The following SMIM31 variants were observed in gnomAD, a reference collection of about 807,000 sequenced individuals.
SMIM31 encodes human epithelial cell program regulator.
intron 2 of SMIM31, among the ~76,000 whole-genome samples, chr4:164,787,924 A>G (rs1283041904): frequency 2.6e-5 from 4 of 152,180 alleles, no homozygotes; most frequent in African/African-American, 9.7e-5. Flanking sequence ...ATGTACTAAT[A>G]CGTTGGGGCA....
intron 2 of SMIM31, among the ~76,000 whole-genome samples, chr4:164,790,510 A>G (rs550071141): frequency 1.2e-4 from 19 of 152,278 alleles, no homozygotes; most frequent in African/African-American, 4.1e-4. Flanking sequence ...AGTGGCAATA[A>G]ACTCTTATGA....
chr4:164,768,235 C>CAAAAAA (rs58450552), intron 1 of SMIM31, among the ~76,000 whole-genome samples: 2 of 75,810 alleles, frequency 2.6e-5, no homozygotes, highest in African/African-American at 4.0e-5. Context: ...GACTTTGTCA[C>CAAAAAA]AAAAAAAAAA....
intron 2 of SMIM31, among the ~76,000 whole-genome samples, chr4:164,787,749 T>C (rs1733044799): frequency 6.6e-6 from 1 of 152,172 alleles, no homozygotes; most frequent in South Asian, 2.1e-4. Context: ...ATATGCACAC[T>C]CTCATGTGCC....
chr4:164,756,445 G>C (rs960291591), intron 1 of SMIM31, among the ~76,000 whole-genome samples: 1 of 151,758 alleles, frequency 6.6e-6, no homozygotes, highest in Non-Finnish European at 1.5e-5. Context: ...GGTGGTGGGC[G>C]CCTGTAGTTC....
In SMIM31 at chr4:164,803,079, T is replaced by C. The variant is rs1733307901; in HGVS notation, c.*1885T>C. The C allele has an allele frequency of 6.6e-6, 1 of 152,200 alleles. No homozygotes were observed. Among genetic ancestry groups the C allele is most frequent in the Non-Finnish European group, 1.5e-5 (1 of 68,034 alleles). 9.4% of individuals were successfully genotyped at this position (152,200 alleles called of 1,614,324 possible). On this transcript the variant is annotated 3_prime_UTR_variant, in exon 3 of 3. Coordinates refer to ENST00000507311, the MANE Select transcript of SMIM31 (RefSeq NM_001352885.1). ...TGTGTAACTCAGTGCCTAGGATCGTTGCTGAATAACGCTACCTATTATTAT... is the reference window on the plus strand; with the variant it reads ...TGTGTAACTCAGTGCCTAGGATCGTCGCTGAATAACGCTACCTATTATTAT...
intron 2 of SMIM31, among the ~76,000 whole-genome samples, chr4:164,796,734 T>C (rs934729009): frequency 6.6e-6 from 1 of 152,222 alleles, no homozygotes; most frequent in African/African-American, 2.4e-5. Context: ...TCTTGTTGGC[T>C]GTAGCTTCAA....
chr4:164,755,437 G>A (rs572230255), intron 1 of SMIM31, among the ~76,000 whole-genome samples: 10 of 148,150 alleles, frequency 6.7e-5, no homozygotes, highest in South Asian at 6.6e-4. Flanking sequence ...CTGAGACCAC[G>A]CCACTGCACT....
intron 2 of SMIM31, among the ~76,000 whole-genome samples, chr4:164,796,153 G>A (rs1449411741): frequency 2.6e-5 from 4 of 152,200 alleles, no homozygotes; most frequent in African/African-American, 9.7e-5. Context: ...CCCATCAGGA[G>A]ATGCACTATT....
chr4:164,787,407 A>G (rs1306382558), intron 2 of SMIM31: 2 of 152,160 alleles, frequency 1.3e-5, no homozygotes, highest in African/African-American at 4.8e-5. Flanking sequence ...AAGAAAAAAG[A>G]AAAAAAGAAA....
At chr4:164,766,629 T>C (rs10012627) in intron 1 of SMIM31, among the ~76,000 whole-genome samples, 1,730 of 151,834 alleles carry the variant, frequency 0.011, 27 homozygotes, top group African/African-American at 0.038. Flanking sequence ...AAACCCCATC[T>C]CTACTAAAAA....
intron 2 of SMIM31, among the ~76,000 whole-genome samples, chr4:164,799,474 C>G (rs529845998): frequency 1.3e-5 from 2 of 152,046 alleles, no homozygotes; most frequent in East Asian, 3.9e-4. Flanking sequence ...GAAAGAACAG[C>G]CTAATACAGG....
At chr4:164,766,774 G>A (rs969455324) in intron 1 of SMIM31, among the ~76,000 whole-genome samples, 1 of 150,760 alleles carries the variant, frequency 6.6e-6, no homozygotes, top group Non-Finnish European at 1.5e-5. Flanking sequence ...CTCCAGCCTG[G>A]TGACAGAGTG....
intron 2 of SMIM31, among the ~76,000 whole-genome samples, chr4:164,775,153 T>C (rs547300012): frequency 6.6e-6 from 1 of 152,312 alleles, no homozygotes; most frequent in Admixed American, 6.5e-5. Context: ...CTCCCCACTC[T>C]TATTTTCCAG....
intron 2 of SMIM31, among the ~76,000 whole-genome samples, chr4:164,780,072 T>C (rs1444795030): frequency 6.6e-6 from 1 of 152,216 alleles, no homozygotes; most frequent in East Asian, 1.9e-4. Context: ...TTTGTCTTTT[T>C]CCCCAGTGAA....
chr4:164,757,861 A>C (rs1451299553), intron 1 of SMIM31, among the ~76,000 whole-genome samples: 5 of 152,056 alleles, frequency 3.3e-5, no homozygotes, highest in African/African-American at 1.2e-4. Context: ...GAGTCCTCCT[A>C]CTTTGTTCTT....
chr4:164,778,068 A>G (rs1289525652), intron 2 of SMIM31, among the ~76,000 whole-genome samples: 2 of 152,074 alleles, frequency 1.3e-5, no homozygotes, highest in Non-Finnish European at 2.9e-5. Flanking sequence ...CGTTTTTTCA[A>G]AGCTGGCCTC....
intron 2 of SMIM31, among the ~76,000 whole-genome samples, chr4:164,777,515 G>A (rs557747361): frequency 6.6e-6 from 1 of 152,278 alleles, no homozygotes; most frequent in Admixed American, 6.5e-5. Flanking sequence ...GCTCTTTCCT[G>A]CCTGAATCAT....
chr4:164,760,018 C>T (rs142363867), intron 1 of SMIM31, among the ~76,000 whole-genome samples: 7 of 152,010 alleles, frequency 4.6e-5, no homozygotes, highest in African/African-American at 1.2e-4. Flanking sequence ...TCCAGAGAAG[C>T]GCATTCCAGG....
At chr4:164,763,944 T>C (rs1732684563) in intron 1 of SMIM31, among the ~76,000 whole-genome samples, 2 of 152,156 alleles carry the variant, frequency 1.3e-5, no homozygotes, top group African/African-American at 4.8e-5. Context: ...TTCTGTGAGA[T>C]AAGAAAAATA....
Sources: allele counts gnomAD v4.1 joint callset (sites outside exome capture counted in the v4.1 genomes callset), GRCh38; gene constraint gnomAD v4.1.1; transcripts MANE v1.5; gene names NCBI Gene and HGNC (gene_info 2026-07-23, HGNC 2026-07-21).